The following TCF4 variants were observed in gnomAD, a reference collection of about 807,000 sequenced individuals.
The protein encoded by TCF4 is transcription factor 4, also known as SL3-3 enhancer factor 2.
A neutral mutation model predicts 82.1 loss-of-function variants in TCF4; 3 were observed. That is an observed-to-expected ratio of 0.04 (90% CI 0.02 to 0.09). The LOEUF is 0.09. Among genes scored for constraint, TCF4 ranks in the 10% least tolerant of loss-of-function variants. The pLI is 1.00. For missense variants in TCF4, 518 were observed against 852.7 expected, an observed-to-expected ratio of 0.61 and a Z score of 4.89; for synonymous variants, 276 against 309.6, an observed-to-expected ratio of 0.89 and a Z score of 1.14.
At chr18:55,565,920 G>A (rs1223960960) in intron 3 of TCF4, among the ~76,000 whole-genome samples, 13 of 151,984 alleles carry the variant, frequency 8.6e-5, no homozygotes, top group African/African-American at 3.1e-4. Context: ...AGACATGGAT[G>A]GCCAGATACG....
At chr18:55,457,922 T>C (rs1478975695) in intron 5 of TCF4, among the ~76,000 whole-genome samples, 2 of 152,340 alleles carry the variant, frequency 1.3e-5, no homozygotes, top group Non-Finnish European at 2.9e-5. Context: ...ATGCCTGTTA[T>C]CATTTCCCTA....
chr18:55,441,281 C>G (rs761895923), intron 5 of TCF4, among the ~76,000 whole-genome samples: 5 of 152,224 alleles, frequency 3.3e-5, no homozygotes, highest in Non-Finnish European at 7.4e-5. Flanking sequence ...AAAATACTCT[C>G]CCATTCTCCA....
intron 16 of TCF4, 122 bp from the exon 17 acceptor site, chr18:55,232,793 T>TC: frequency 1.6e-6 from 2 of 1,285,004 alleles, no homozygotes; most frequent in East Asian, 2.5e-5. Flanking sequence ...CACTTTTTTT[T>TC]CCCCCTGCTA....
chr18:55,529,994 G>A (rs1258892071), intron 3 of TCF4, among the ~76,000 whole-genome samples: 1 of 152,126 alleles, frequency 6.6e-6, no homozygotes, highest in African/African-American at 2.4e-5. Context: ...GAGATAATAC[G>A]TTAATTTCTG....
chr18:55,431,427 C>T (rs1048787084), intron 5 of TCF4, among the ~76,000 whole-genome samples: 5 of 152,140 alleles, frequency 3.3e-5, no homozygotes, highest in African/African-American at 1.2e-4. Context: ...TTACAGGCAC[C>T]TGCCACCAAG....
At chr18:55,537,701 TTTACA>T (rs2097129434) in intron 3 of TCF4, among the ~76,000 whole-genome samples, 1 of 152,232 alleles carries the variant, frequency 6.6e-6, no homozygotes, top group South Asian at 2.1e-4. Context: ...GGAGTGTGTC[TTTACA>T]TTAGTTGCAG....
intron 6 of TCF4, among the ~76,000 whole-genome samples, chr18:55,373,973 T>C (rs562517403): frequency 2.1e-3 from 319 of 151,664 alleles, no homozygotes; most frequent in Non-Finnish European, 3.6e-3. Flanking sequence ...GCAATAAAAT[T>C]AAATAGTAAA....
Position 55,631,488 on chromosome 18 carries a change from G to A in TCF4, c.196-100C>T, listed in dbSNP as rs2097731573. ...TCTGGGGAAGAAATGATAATGTTTT[G>A]GGTTAGGGTAATGCCCTACAGGGAT... is the stretch of plus-strand genomic sequence containing the variant. On this transcript the variant is annotated intron_variant, in intron 1 of 20. Transcript: ENST00000398339. 8 of 1,324,828 alleles carry A rather than the reference G, an allele frequency of 6.0e-6. No individual in the cohort carries two copies. In the South Asian group the frequency reaches 9.9e-5, roughly 16 times the overall value. The allele number at this position is 1,324,828 out of a possible 1,614,324, so 82.1% of individuals were successfully genotyped here.
At chr18:55,540,058 T>C (rs908089649) in intron 3 of TCF4, among the ~76,000 whole-genome samples, 4 of 149,224 alleles carry the variant, frequency 2.7e-5, no homozygotes, top group Admixed American at 2.0e-4. Context: ...AAAAAAAAAG[T>C]AGACTATATT....
In TCF4 at chr18:55,630,683, T is replaced by C. The variant is rs545439749; in HGVS notation, c.286+615A>G. Among the ~76,000 whole-genome samples the C allele has an allele frequency of 4.9e-4, 75 of 152,208 alleles. 1 individual carries two copies. Among genetic ancestry groups the C allele is most frequent in the African/African-American group, 1.7e-3 (71 of 41,504 alleles). ...ATGCTATGCCTCTTTTCTTTTGGAG[T>C]TTATAACCCCAAAGAGGAGGCTTTA... On this transcript the variant is annotated intron_variant, in intron 2 of 20. Coordinates refer to the TCF4 transcript ENST00000398339.
chr18:55,540,894 T>C (rs1474343827), intron 3 of TCF4, among the ~76,000 whole-genome samples: 1 of 152,068 alleles, frequency 6.6e-6, no homozygotes, highest in Non-Finnish European at 1.5e-5. Flanking sequence ...CCTATATTTA[T>C]TTTGTTCAAA....
chr18:55,488,757 C>T (rs1261128021), intron 3 of TCF4, among the ~76,000 whole-genome samples: 4 of 152,150 alleles, frequency 2.6e-5, no homozygotes, highest in African/African-American at 4.8e-5. Context: ...CCTCAGGAAC[C>T]TTTTGTTGTT....
At chr18:55,390,418 G>A (rs2092992829) in intron 6 of TCF4, among the ~76,000 whole-genome samples, 1 of 152,044 alleles carries the variant, frequency 6.6e-6, no homozygotes, top group Non-Finnish European at 1.5e-5. Context: ...GGGACACAGG[G>A]TGAGTTTCCT....
intron 6 of TCF4, among the ~76,000 whole-genome samples, chr18:55,397,733 A>C (rs892533707): frequency 1.3e-5 from 2 of 152,190 alleles, no homozygotes; most frequent in African/African-American, 4.8e-5. Flanking sequence ...CTCTTTAGGG[A>C]TAATAACAGT....
chr18:55,584,071 C>T (rs1043841687), intron 3 of TCF4, among the ~76,000 whole-genome samples: 2 of 151,938 alleles, frequency 1.3e-5, no homozygotes, highest in Non-Finnish European at 2.9e-5. Flanking sequence ...AACAAGTTAT[C>T]GAGACACAAA....
intron 5 of TCF4, among the ~76,000 whole-genome samples, chr18:55,443,718 T>C (rs2144033240): frequency 6.6e-6 from 1 of 152,246 alleles, no homozygotes; most frequent in East Asian, 1.9e-4. Context: ...ATGAACCACT[T>C]GCCTTAAACT....
intron 3 of TCF4, among the ~76,000 whole-genome samples, chr18:55,475,822 G>T (rs906092489): frequency 1.3e-5 from 2 of 152,176 alleles, no homozygotes; most frequent in African/African-American, 4.8e-5. Flanking sequence ...CATTTCAATG[G>T]AGACAATGAT....
At chr18:55,493,926 T>C (rs889559944) in intron 3 of TCF4, among the ~76,000 whole-genome samples, 4 of 152,102 alleles carry the variant, frequency 2.6e-5, no homozygotes, top group Non-Finnish European at 2.9e-5. Context: ...CAAGATATAT[T>C]TCACATACAT....
chr18:55,315,270 C>T (rs764301565), intron 8 of TCF4, among the ~76,000 whole-genome samples: 2 of 152,098 alleles, frequency 1.3e-5, no homozygotes, highest in Non-Finnish European at 1.5e-5. Context: ...GTATACTCTC[C>T]TAAACAGAAT....
Sources: gnomAD v4.1 joint callset for allele counts (sites outside exome capture counted in the v4.1 genomes callset) on GRCh38, gnomAD v4.1.1 for gene constraint, MANE v1.5 for transcripts, NCBI Gene and HGNC (gene_info 2026-07-23, HGNC 2026-07-21) for gene names.